Variants in CDH12 observed in about 807,000 individuals in gnomAD.
CDH12 encodes the protein cadherin-12.
Under a neutral mutation model 74.1 loss-of-function variants are expected in CDH12, and 41 were observed. The observed-to-expected ratio is 0.55, with a 90% confidence interval of 0.43 to 0.72. CDH12 has a LOEUF of 0.72. CDH12 is among the 30% of genes least tolerant of loss of function. The pLI is 0.00. For synonymous variants in CDH12, 399 were observed against 355.0 expected (o/e 1.12, Z -1.39); for missense variants, 945 against 977.2 (o/e 0.97, Z 0.44).
At chr5:22,121,719 T>C (rs1264480554) in intron 4 of CDH12, among the ~76,000 whole-genome samples, 1 of 152,174 alleles carries the variant, frequency 6.6e-6, no homozygotes, top group Admixed American at 6.5e-5. Flanking sequence ...TAAAGGGCTA[T>C]TAAATTTTAT....
chr5:22,833,729 T>C lies in CDH12; in HGVS notation c.-523+19329A>G, dbSNP rs1034840161. Among the ~76,000 whole-genome samples, 3 of 152,300 alleles carry C rather than the reference T, an allele frequency of 2.0e-5. No individual in the cohort carries two copies. The East Asian group carries it at 5.8e-4, about 29-fold the overall frequency. On this transcript the variant is annotated intron_variant, in intron 1 of 14. Coordinates refer to ENST00000382254, the MANE Select transcript of CDH12 (RefSeq NM_004061.5). ...CACATAATTGGCAAGTTTTTTAAAA[T>C]AATAATCATAATGTATAATATTGTA...
intron 1 of CDH12, among the ~76,000 whole-genome samples, chr5:22,739,315 TAC>T (rs1491311481): frequency 0.3 from 44,788 of 151,298 alleles, 6,738 homozygotes; most frequent in South Asian, 0.35. Flanking sequence ...TTAAAAATTT[TAC>T]TTTTTTTTAC....
chr5:22,090,620 C>CAT (rs1009837931), intron 4 of CDH12, among the ~76,000 whole-genome samples: 1 of 151,566 alleles, frequency 6.6e-6, no homozygotes, highest in African/African-American at 2.4e-5. Context: ...CACACACACA[C>CAT]ACACACACCC....
In CDH12 at chr5:21,805,211, G is replaced by T. The variant is rs114268455; in HGVS notation, c.1003-2791C>A. 6.3e-3 allele frequency among the ~76,000 whole-genome samples: 959 copies of T among 152,024 alleles called. 10 individuals carry two copies. The highest frequency in any genetic ancestry group is 0.022 in the African/African-American group (898 of 41,488). On this transcript the variant is annotated intron_variant, in intron 9 of 14. Coordinates refer to ENST00000382254, the MANE Select transcript of CDH12 (RefSeq NM_004061.5). ...TTCCCTCTCTACTTTCTCATATGTT[G>T]AAGTACTTCTAATTATCTATATGAT...
At chr5:22,038,766 C>A (rs890462410) in intron 5 of CDH12, among the ~76,000 whole-genome samples, 2 of 152,110 alleles carry the variant, frequency 1.3e-5, no homozygotes, top group African/African-American at 4.8e-5. Flanking sequence ...GGCACATCAC[C>A]TCATTACCAA....
At chr5:21,902,292 A>G (rs1340664612) in intron 6 of CDH12, among the ~76,000 whole-genome samples, 1 of 150,470 alleles carries the variant, frequency 6.6e-6, no homozygotes. Flanking sequence ...TATTATATGT[A>G]TATATGTATA....
In CDH12 at chr5:22,062,242, T is replaced by C. The variant is rs192643151; in HGVS notation, c.231+16204A>G. ...CTATTATGAAATAACTAGCATATTATGAAACAGCTAGATGCAATAAATAAA... is the reference window on the plus strand; with the variant it reads ...CTATTATGAAATAACTAGCATATTACGAAACAGCTAGATGCAATAAATAAA... On this transcript the variant is annotated intron_variant, in intron 5 of 14. Coordinates refer to ENST00000382254, the MANE Select transcript of CDH12 (RefSeq NM_004061.5). 2.6e-5 allele frequency among the ~76,000 whole-genome samples: 4 copies of C among 152,244 alleles called. No individual in the cohort carries two copies. In the East Asian group the frequency reaches 5.8e-4, roughly 22 times the overall value.
At chr5:21,987,732 T>C (rs1212270244) in intron 5 of CDH12, among the ~76,000 whole-genome samples, 3 of 151,270 alleles carry the variant, frequency 2.0e-5, no homozygotes, top group African/African-American at 7.4e-5. Flanking sequence ...CAAACATTTT[T>C]GCCATCTAAG....
At chr5:21,905,101 T>C (rs1311297991) in intron 6 of CDH12, among the ~76,000 whole-genome samples, 1 of 152,042 alleles carries the variant, frequency 6.6e-6, no homozygotes, top group Non-Finnish European at 1.5e-5. Flanking sequence ...AGATGGTAAA[T>C]AGAAAAAGGT....
intron 1 of CDH12, among the ~76,000 whole-genome samples, chr5:22,706,596 TAGAG>T (rs1482588594): frequency 6.6e-6 from 1 of 152,050 alleles, no homozygotes; most frequent in East Asian, 1.9e-4. Context: ...ATATCTCAAT[TAGAG>T]AGTATATAAT....
chr5:22,746,104 T>C (rs989164382), intron 1 of CDH12, among the ~76,000 whole-genome samples: 2 of 152,142 alleles, frequency 1.3e-5, no homozygotes, highest in African/African-American at 4.8e-5. Flanking sequence ...ATTTTAATAT[T>C]TGGTAATTAA....
intron 1 of CDH12, among the ~76,000 whole-genome samples, chr5:22,680,728 T>C (rs1403366211): frequency 6.6e-6 from 1 of 151,692 alleles, no homozygotes; most frequent in Non-Finnish European, 1.5e-5. Context: ...GTTTCTGGGG[T>C]TAAATAATAC....
At chr5:22,490,398 G>A (rs1746810262) in intron 2 of CDH12, among the ~76,000 whole-genome samples, 1 of 151,960 alleles carries the variant, frequency 6.6e-6, no homozygotes, top group Non-Finnish European at 1.5e-5. Context: ...ATAGAGTTCT[G>A]CTTTCTCTTT....
intron 4 of CDH12, among the ~76,000 whole-genome samples, chr5:22,079,378 C>G (rs575949411): frequency 6.6e-6 from 1 of 151,844 alleles, no homozygotes; most frequent in Non-Finnish European, 1.5e-5. Flanking sequence ...CCTAGGGGAG[C>G]AAAAAATGCC....
At chr5:21,778,927 A>G (rs1489029102) in intron 11 of CDH12, among the ~76,000 whole-genome samples, 1 of 152,212 alleles carries the variant, frequency 6.6e-6, no homozygotes, top group Non-Finnish European at 1.5e-5. Flanking sequence ...AACATAAAAT[A>G]GCTATATAGA....
chr5:22,670,140 G>T (rs1293836593), intron 1 of CDH12, among the ~76,000 whole-genome samples: 1 of 152,108 alleles, frequency 6.6e-6, no homozygotes, highest in Admixed American at 6.6e-5. Flanking sequence ...CATACTTTAA[G>T]ACTTTAATCA....
intron 1 of CDH12, among the ~76,000 whole-genome samples, chr5:22,556,535 C>T (rs1284853342): frequency 6.6e-6 from 1 of 152,062 alleles, no homozygotes; most frequent in African/African-American, 2.4e-5. Flanking sequence ...GTGGAGAAAG[C>T]ACACCTAAAG....
intron 1 of CDH12, among the ~76,000 whole-genome samples, chr5:22,526,076 T>C (rs1737262696): frequency 6.6e-6 from 1 of 152,210 alleles, no homozygotes; most frequent in South Asian, 2.1e-4. Context: ...AAAGAGTCTT[T>C]ACTCATTTCT....
intron 4 of CDH12, among the ~76,000 whole-genome samples, chr5:22,098,992 A>C (rs138227511): frequency 0.013 from 1,941 of 152,134 alleles, 31 homozygotes; most frequent in African/African-American, 0.043. Flanking sequence ...ACTACTCCTC[A>C]AGGATTATTC....
Sources: gnomAD v4.1 joint callset for allele counts (sites outside exome capture counted in the v4.1 genomes callset) on GRCh38, gnomAD v4.1.1 for gene constraint, MANE v1.5 for transcripts, NCBI Gene and HGNC (gene_info 2026-07-23, HGNC 2026-07-21) for gene names.